ARIH2: variants seen among roughly 807,000 people sequenced by gnomAD.
ARIH2 encodes the protein E3 ubiquitin-protein ligase ARIH2.
In ARIH2, 12 loss-of-function variants were observed where a neutral mutation model predicts 79.8. That is an observed-to-expected ratio of 0.15 (90% CI 0.10 to 0.24). The LOEUF is 0.24. Among genes scored for constraint, ARIH2 ranks in the 10% least tolerant of loss-of-function variants. ARIH2 has a pLI of 1.00. For synonymous variants in ARIH2, 224 were observed against 213.9 expected (o/e 1.05, Z -0.41); for missense variants, 301 against 618.3 (o/e 0.49, Z 5.44).
intron 3 of ARIH2, among the ~76,000 whole-genome samples, chr3:48,950,115 T>C (rs2089758203): frequency 6.6e-6 from 1 of 152,200 alleles, no homozygotes; most frequent in African/African-American, 2.4e-5. Context: ...TATGAAGTAA[T>C]GGTCTGTGTT....
chr3:48,973,483 A>C (rs1420262883), intron 8 of ARIH2: 3 of 381,628 alleles, frequency 7.9e-6, no homozygotes, highest in Non-Finnish European at 1.5e-5. Context: ...AGGTTGAGTC[A>C]GGAGAATGGC....
At chr3:48,983,173 G>A (rs781190827) in intron 15 of ARIH2, 26 bp from the exon 16 acceptor site, 1 of 1,613,824 alleles carries the variant, frequency 6.2e-7, no homozygotes, top group South Asian at 1.1e-5. Context: ...GGCCATGCAA[G>A]CACACACCTT....
intron 3 of ARIH2, among the ~76,000 whole-genome samples, chr3:48,931,820 AAC>A (rs1002653403): frequency 7.2e-5 from 11 of 152,126 alleles, no homozygotes; most frequent in Non-Finnish European, 1.3e-4. Context: ...AGCCCTGGCT[AAC>A]ACAGTGAAAA....
rs1043789099 is a variant in ARIH2, at chr3:48,985,407, G to C, written c.*2137G>C. On this transcript the variant is annotated 3_prime_UTR_variant, in exon 16 of 16. Coordinates refer to ENST00000356401, the MANE Select transcript of ARIH2 (RefSeq NM_006321.4). ...TTTCTGCCCTACAAAGGGTGGAAGA[G>C]AAAGGACACAGTATTTTCATGAATT... 1 of 152,230 alleles carries C rather than the reference G, an allele frequency of 6.6e-6. No homozygotes were observed. Among genetic ancestry groups the C allele is most frequent in the African/African-American group, 2.4e-5 (1 of 41,462 alleles). 9.4% of individuals were successfully genotyped at this position (152,230 alleles called of 1,614,324 possible). A position where few individuals can be genotyped will look rare whatever the true frequency, so the allele number is the denominator to read the frequency against.
intron 3 of ARIH2, among the ~76,000 whole-genome samples, chr3:48,936,165 C>T (rs549363863): frequency 1.3e-5 from 2 of 151,714 alleles, no homozygotes; most frequent in Non-Finnish European, 2.9e-5. Context: ...GAGACACCTC[C>T]GTACTTTAAT....
At chr3:48,924,244 C>G (rs1338371933) in intron 2 of ARIH2, among the ~76,000 whole-genome samples, 1 of 152,046 alleles carries the variant, frequency 6.6e-6, no homozygotes, top group Non-Finnish European at 1.5e-5. Context: ...ATCCTCCAGC[C>G]TCAGCCTCCC....
At chr3:48,973,159 C>G (rs951909747) in intron 8 of ARIH2, among the ~76,000 whole-genome samples, 1 of 152,214 alleles carries the variant, frequency 6.6e-6, no homozygotes, top group Non-Finnish European at 1.5e-5. Context: ...TTGAAAAGCT[C>G]TAGGCCGGGC....
At chr3:48,965,043 G>T (rs1286046742) in intron 5 of ARIH2, 61 bp downstream of exon 5, 12 of 1,513,558 alleles carry the variant, frequency 7.9e-6, no homozygotes, top group Non-Finnish European at 1.1e-5. Flanking sequence ...GCTTTGGCTT[G>T]CAGTGTCCTT....
rs759097516 is a variant in ARIH2, at chr3:48,981,748, C to T, written c.1326+20C>T. 1.9e-6 allele frequency: 3 copies of T among 1,600,540 alleles called. No individual in the cohort carries two copies. Among genetic ancestry groups the T allele is most frequent in the Non-Finnish European group, 2.6e-6 (3 of 1,168,026 alleles). On this transcript the variant is annotated intron_variant, in intron 14 of 15. Coordinates refer to ENST00000356401, the MANE Select transcript of ARIH2 (RefSeq NM_006321.4). ...AAGCTGGTAAGGCAAAGCAATTTTT[C>T]TACTCTGTCCCGTTAGCCTCAAAGG...
rs1035584615 is a variant in ARIH2 at position 48,927,308 on chromosome 3, G to A, written c.-97-154G>A. ...ATTTCCCTTTTATAAGCCTGGGCCA[G>A]GGGGATGATAGTAAGATTCCCCATG... On this transcript the variant is annotated intron_variant, in intron 2 of 15. Transcript: ENST00000356401. The A allele has an allele frequency of 5.2e-5, 24 of 458,382 alleles. No homozygotes were observed. In the South Asian group the frequency reaches 5.5e-4, roughly 10 times the overall value. The allele number at this position is 458,382 out of a possible 1,614,324, so 28.4% of individuals were successfully genotyped here.
chr3:48,940,155 A>G (rs1464815050), intron 3 of ARIH2, among the ~76,000 whole-genome samples: 2 of 150,802 alleles, frequency 1.3e-5, no homozygotes, highest in East Asian at 4.0e-4. Context: ...GCAGTGAGCC[A>G]AGATCGCGCC....
chr3:48,983,123 G>A (rs1456017157), intron 15 of ARIH2, 76 bp from the exon 16 acceptor site: 3 of 1,560,544 alleles, frequency 1.9e-6, no homozygotes, highest in Non-Finnish European at 2.7e-6. Flanking sequence ...AGGTCCTGGA[G>A]GGTGTTTGTG....
intron 3 of ARIH2, chr3:48,934,987 A>G: frequency 2.0e-6 from 2 of 979,022 alleles, no homozygotes; most frequent in Middle Eastern, 5.3e-4. Context: ...TGACATTTAT[A>G]TTTTAATCTT....
intron 1 of ARIH2, among the ~76,000 whole-genome samples, chr3:48,920,097 A>C (rs1216349566): frequency 6.7e-6 from 1 of 148,238 alleles, no homozygotes; most frequent in African/African-American, 2.5e-5. Context: ...CTCCTTTCTT[A>C]GCCTCCTAAG....
chr3:48,983,237 G>A lies in ARIH2; in HGVS notation c.1449G>A (p.Arg483=). 1 of 1,614,222 alleles carries A rather than the reference G, an allele frequency of 6.2e-7. No homozygotes were observed. The highest frequency in any genetic ancestry group is 8.5e-7 in the Non-Finnish European group (1 of 1,180,042). ...ENQMHIAEQR[R]RTLLKDFHDT The stretch of plus-strand genomic sequence containing the variant: ...AGATGCATATAGCGGAGCAGCGGAG[G>A]AGAACCCTGCTGAAAGATTTCCATG... Residue 483 remains arginine, a synonymous_variant, in exon 16 of 16, where the codon AGG becomes AGA. Transcript: ENST00000356401.
At chr3:48,949,178 C>G in intron 3 of ARIH2, 1 of 446,962 alleles carries the variant, frequency 2.2e-6, no homozygotes, top group South Asian at 1.6e-5. Flanking sequence ...AGTGCAGTGG[C>G]ACGATCTCGG....
At chr3:48,949,509 A>G (rs1415774122) in intron 3 of ARIH2, among the ~76,000 whole-genome samples, 2 of 152,180 alleles carry the variant, frequency 1.3e-5, no homozygotes, top group Non-Finnish European at 2.9e-5. Flanking sequence ...CTTCCTTGTT[A>G]GCACTTGGTA....
chr3:48,943,697 A>G (rs2107277333), intron 3 of ARIH2, among the ~76,000 whole-genome samples: 1 of 152,320 alleles, frequency 6.6e-6, no homozygotes, highest in Admixed American at 6.5e-5. Flanking sequence ...TAAGGAAAGC[A>G]GTCGATGAGG....
intron 2 of ARIH2, among the ~76,000 whole-genome samples, chr3:48,923,767 C>T (rs1216240048): frequency 3.3e-5 from 5 of 152,018 alleles, no homozygotes; most frequent in East Asian, 3.9e-4. Context: ...GTGATCCACC[C>T]GCCTCGGCCT....
Sources: allele counts gnomAD v4.1 joint callset (sites outside exome capture counted in the v4.1 genomes callset), GRCh38; gene constraint gnomAD v4.1.1; transcripts MANE v1.5; gene names NCBI Gene and HGNC (gene_info 2026-07-23, HGNC 2026-07-21).